The following PLCZ1 variants were observed in gnomAD, a reference collection of about 807,000 sequenced individuals.
PLCZ1 encodes the protein 1-phosphatidylinositol 4,5-bisphosphate phosphodiesterase zeta-1.
A neutral mutation model predicts 76.8 loss-of-function variants in PLCZ1; 64 were observed. That is an observed-to-expected ratio of 0.83 (90% CI 0.68 to 1.03). The LOEUF is 1.03. PLCZ1 is among the 50% of genes least tolerant of loss of function. The pLI, the probability that PLCZ1 is intolerant of heterozygous loss-of-function variation, is 0.00. For missense variants in PLCZ1, 751 were observed against 713.7 expected (o/e 1.05, Z -0.60); for synonymous variants, 248 against 230.8 (o/e 1.07, Z -0.68).
At position 18,705,196 on chromosome 12, in the gene PLCZ1, A is replaced by C. The variant is rs1395780982; in HGVS notation, c.834T>G (p.Asp278Glu). ...FGESLLSDML[D>E]DFPDTLPSPE... ...GTGATGGTAGAGTATCAGGAAAATC[A>C]TCAAGCATATCAGAAAGCAAGGACT... The change falls in exon 7 of 15, where the codon GAT (aspartate) becomes GAG (glutamate). Residue 278 changes from aspartate (D) to glutamate (E), a missense_variant. Transcript: ENST00000266505. 4 of 1,614,086 alleles carry C rather than the reference A, an allele frequency of 2.5e-6. No homozygotes were observed. The South Asian group carries it at 4.4e-5, about 18-fold the overall frequency.
intron 10 of PLCZ1, 23 bp from the exon 11 acceptor site, chr12:18,696,289 T>C (rs562493886): frequency 9.7e-5 from 100 of 1,031,182 alleles, no homozygotes; most frequent in Non-Finnish European, 1.3e-4. Context: ...AATTAAAACA[T>C]TGTGAAAGAA....
intron 14 of PLCZ1, chr12:18,683,678 T>C (rs566221959): frequency 4.4e-5 from 55 of 1,246,276 alleles, no homozygotes; most frequent in Non-Finnish European, 1.1e-5. Flanking sequence ...GGGAGCACAG[T>C]GTAAATCACC....
In PLCZ1 at chr12:18,705,197, T is replaced by A; in HGVS notation, c.833A>T (p.Asp278Val). 6.2e-7 allele frequency: 1 copy of A among 1,614,070 alleles called. No individual in the cohort carries two copies. The highest frequency in any genetic ancestry group is 8.5e-7 in the Non-Finnish European group (1 of 1,180,000). The change falls in exon 7 of 15, where the codon GAT becomes GTT. Residue 278 changes from aspartate to valine, a missense_variant. Asp to Val is a radical substitution (Grantham distance 152). Transcript: ENST00000266505. The part of the protein sequence containing the change: ...FGESLLSDML[D>V]DFPDTLPSPE... ...TGATGGTAGAGTATCAGGAAAATCA[T>A]CAAGCATATCAGAAAGCAAGGACTC...
At chr12:18,654,311 A>AAAAAAAAG in the PLCZ1 span, among the ~76,000 whole-genome samples, 2 of 149,194 alleles carry the variant, frequency 1.3e-5, no homozygotes, top group Non-Finnish European at 1.5e-5. Context: ...AAAAAAAAAA[A>AAAAAAAAG]TCTATCAGAT....
intron 12 of PLCZ1, chr12:18,692,717 T>A (rs1954310557): frequency 4.9e-6 from 4 of 815,602 alleles, no homozygotes; most frequent in Non-Finnish European, 8.0e-6. Context: ...CTTTGAATCA[T>A]CAACATAAAG....
intron 12 of PLCZ1, chr12:18,693,833 T>G (rs963366996): frequency 2.0e-6 from 3 of 1,529,760 alleles, no homozygotes; most frequent in East Asian, 4.5e-5. Context: ...GAAGATTGAG[T>G]TCCCCCTGCC....
chr12:18,724,537 A>C (rs1220886682), intron 3 of PLCZ1, among the ~76,000 whole-genome samples: 2 of 152,116 alleles, frequency 1.3e-5, no homozygotes, highest in Non-Finnish European at 1.5e-5. Flanking sequence ...TTGAAGGGGC[A>C]TTGTGTCATG....
chr12:18,701,603 T>G (rs777855909), intron 8 of PLCZ1, 35 bp from the exon 9 acceptor site: 1 of 1,592,740 alleles, frequency 6.3e-7, no homozygotes, highest in East Asian at 2.3e-5. Context: ...ATTCTTTGAA[T>G]TTATCCTCCT....
intron 12 of PLCZ1, among the ~76,000 whole-genome samples, chr12:18,690,480 C>T (rs1045208728): frequency 6.6e-6 from 1 of 152,140 alleles, no homozygotes; most frequent in African/African-American, 2.4e-5. Flanking sequence ...CCACCTCAGC[C>T]TCCCAAAGTG....
chr12:18,717,866 G>A (rs577587347), intron 5 of PLCZ1, among the ~76,000 whole-genome samples: 4 of 152,038 alleles, frequency 2.6e-5, no homozygotes, highest in Non-Finnish European at 4.4e-5. Context: ...AAGAAAATAC[G>A]CATTCAGTGG....
the PLCZ1 span, among the ~76,000 whole-genome samples, chr12:18,649,368 A>G: frequency 1.3e-5 from 2 of 152,098 alleles, no homozygotes; most frequent in African/African-American, 4.8e-5. Context: ...CAATTTGTAC[A>G]TTTGATCCCA....
chr12:18,664,352 G>T, the PLCZ1 span, among the ~76,000 whole-genome samples: 11 of 152,142 alleles, frequency 7.2e-5, no homozygotes, highest in African/African-American at 2.7e-4. Flanking sequence ...GTTCTCAATA[G>T]CTTGGGGAGT....
intron 12 of PLCZ1, among the ~76,000 whole-genome samples, chr12:18,689,849 T>A (rs891917671): frequency 1.3e-5 from 2 of 152,142 alleles, no homozygotes; most frequent in Admixed American, 1.3e-4. Context: ...AACTTGGCTC[T>A]CTGATTCCCA....
intron 3 of PLCZ1, among the ~76,000 whole-genome samples, chr12:18,726,650 AT>A (rs148594673): frequency 0.073 from 11,120 of 152,200 alleles, 503 homozygotes; most frequent in Middle Eastern, 0.12. Flanking sequence ...ACCATTTTCC[AT>A]TTCCAATGCT....
At chr12:18,656,311 G>GTCA in the PLCZ1 span, among the ~76,000 whole-genome samples, 983 of 152,110 alleles carry the variant, frequency 6.5e-3, 9 homozygotes, top group African/African-American at 0.023. Flanking sequence ...GGCGCAGTGG[G>GTCA]TCACGCCTGT....
At chr12:18,648,809 T>C in the PLCZ1 span, among the ~76,000 whole-genome samples, 1 of 152,166 alleles carries the variant, frequency 6.6e-6, no homozygotes, top group Non-Finnish European at 1.5e-5. Flanking sequence ...CCCACAGATT[T>C]CCACCTGCAC....
chr12:18,703,143 G>A (rs1329854490), intron 7 of PLCZ1, among the ~76,000 whole-genome samples: 1 of 152,034 alleles, frequency 6.6e-6, no homozygotes, highest in Non-Finnish European at 1.5e-5. Context: ...CTATGATTTG[G>A]GTTTAATCTT....
rs1952756560 is a variant in PLCZ1 at position 18,684,265 on chromosome 12, A to G, written c.1606T>C (p.Trp536Arg). 6.2e-7 allele frequency: 1 copy of G among 1,608,126 alleles called. No individual in the cohort carries two copies. The highest frequency in any genetic ancestry group is 1.7e-5 in the Admixed American group (1 of 59,824). The part of the protein sequence containing the change: ...VIKKNAFSPR[W>R]NETFTFIIHV... ...ATAATAAATGTGAATGTTTCATTCC[A>G]TCTTGGACTAAAAGCTGAAATATAA... The change falls in exon 14 of 15, where the codon TGG becomes CGG. Residue 536 changes from tryptophan (W) to arginine (R), a missense_variant. Trp to Arg is a moderately radical substitution (Grantham distance 101, BLOSUM62 -3). Transcript: ENST00000266505.
intron 13 of PLCZ1, among the ~76,000 whole-genome samples, chr12:18,687,532 A>G (rs542560472): frequency 6.6e-6 from 1 of 152,276 alleles, no homozygotes; most frequent in Admixed American, 6.5e-5. Context: ...GTAAGATGTC[A>G]TAGCATGCCA....
Sources: allele counts gnomAD v4.1 joint callset (sites outside exome capture counted in the v4.1 genomes callset), GRCh38; gene constraint gnomAD v4.1.1; transcripts MANE v1.5; gene names NCBI Gene and HGNC (gene_info 2026-07-23, HGNC 2026-07-21).